Variants in UNC79 observed in about 807,000 individuals in gnomAD.
UNC79 encodes the protein unc-79 subunit of NALCN channel complex.
Under a neutral mutation model 283.1 loss-of-function variants are expected in UNC79, and 37 were observed. That is an observed-to-expected ratio of 0.13 (90% CI 0.10 to 0.17). The LOEUF (loss-of-function observed/expected upper bound fraction) is 0.17, where lower values mean the gene tolerates loss of function less well. Ranked by LOEUF, UNC79 falls within the 10% of genes least tolerant of loss-of-function variation. The probability of loss-of-function intolerance (pLI) is 1.00; values close to 1 mark genes in which losing one functional copy is unlikely to be tolerated. For missense variants in UNC79, 2,272 were observed against 3,211.1 expected (o/e 0.71, Z 7.07); for synonymous variants, 1,107 against 1,200.2 (o/e 0.92, Z 1.61).
intron 7 of UNC79, among the ~76,000 whole-genome samples, chr14:93,522,051 C>A (rs1251623725): frequency 1.3e-5 from 2 of 151,654 alleles, no homozygotes; most frequent in Non-Finnish European, 2.9e-5. Context: ...TATCTACAAC[C>A]TGTTCTTAAC....
chr14:93,480,973 C>G (rs2058101026), intron 4 of UNC79, among the ~76,000 whole-genome samples: 1 of 152,142 alleles, frequency 6.6e-6, no homozygotes, highest in African/African-American at 2.4e-5. Context: ...TAAAATGATT[C>G]TATCCTTAAG....
At position 93,467,628 on chromosome 14, in the gene UNC79, C is replaced by CTT. The variant is rs398026224; in HGVS notation, c.23-14_23-13dup. ...ATTCTTCTCTTTCTTTTTCTTCTTCCTTTTTTTTTTTTTTTTTTTTTTTTT... is the reference window on the plus strand; with the variant it reads ...ATTCTTCTCTTTCTTTTTCTTCTTCCTTTTTTTTTTTTTTTTTTTTTTTTTTT... On this transcript the variant is annotated intron_variant, in intron 1 of 48. Coordinates refer to ENST00000555664, the Ensembl canonical transcript of UNC79. 1.0e-4 allele frequency: 76 copies of CTT among 762,686 alleles called. 2 individuals are homozygous for CTT. In the African/African-American group the frequency reaches 1.6e-3, roughly 17 times the overall value. 47.2% of individuals were successfully genotyped at this position (762,686 alleles called of 1,614,324 possible). A position where few individuals can be genotyped will look rare whatever the true frequency, so the allele number is the denominator to read the frequency against.
At chr14:93,624,393 T>A (rs985287569) in intron 30 of UNC79, among the ~76,000 whole-genome samples, 1 of 152,168 alleles carries the variant, frequency 6.6e-6, no homozygotes, top group East Asian at 1.9e-4. Context: ...TTTTTATTGT[T>A]TGGGGCCAGG....
intron 37 of UNC79, among the ~76,000 whole-genome samples, chr14:93,654,251 G>T (rs1005094510): frequency 6.6e-6 from 1 of 152,154 alleles, no homozygotes; most frequent in East Asian, 1.9e-4. Flanking sequence ...AGCACTTTGG[G>T]AGACTGAGGC....
chr14:93,648,015 C>T (rs2140282093), intron 35 of UNC79, among the ~76,000 whole-genome samples: 1 of 152,300 alleles, frequency 6.6e-6, no homozygotes, highest in African/African-American at 2.4e-5. Context: ...CAGTTATCTC[C>T]CACTGGGCCC....
rs1162930676 is a variant in UNC79 at position 93,637,199 on chromosome 14, C to T, written c.5717-17C>T. 1.9e-6 allele frequency: 2 copies of T among 1,043,788 alleles called. No individual in the cohort carries two copies. The highest frequency in any genetic ancestry group is 3.0e-6 in the Non-Finnish European group (2 of 659,194). The allele number at this position is 1,043,788 out of a possible 1,614,324, so 64.7% of individuals were successfully genotyped here. The stretch of plus-strand genomic sequence containing the variant: ...AGATGACCACATCAAAGACTGAAAC[C>T]CTCTATTTATCCACAGAACAGATAC... On this transcript the variant is annotated splice_polypyrimidine_tract_variant and intron_variant, in intron 31 of 48. Transcript: ENST00000555664.
intron 1 of UNC79, among the ~76,000 whole-genome samples, chr14:93,445,522 G>A (rs2056436332): frequency 6.6e-6 from 1 of 152,112 alleles, no homozygotes. Flanking sequence ...TGTTTAGTTA[G>A]GGAGTTTTGT....
chr14:93,605,936 TTACA>T (rs1229507856), intron 26 of UNC79, among the ~76,000 whole-genome samples: 2 of 152,178 alleles, frequency 1.3e-5, no homozygotes, highest in Non-Finnish European at 2.9e-5. Flanking sequence ...CTACCTTGCC[TTACA>T]CATCGCTCAT....
intron 1 of UNC79, among the ~76,000 whole-genome samples, chr14:93,385,913 T>TG: frequency 6.6e-6 from 1 of 152,248 alleles, no homozygotes; most frequent in Non-Finnish European, 1.5e-5. Flanking sequence ...TCATATCATC[T>TG]GCAAACAAGG....
At chr14:93,569,376 G>T (rs529234427) in intron 14 of UNC79, among the ~76,000 whole-genome samples, 8 of 152,300 alleles carry the variant, frequency 5.3e-5, no homozygotes, top group African/African-American at 1.2e-4. Flanking sequence ...GGCAGAGGTT[G>T]CAGTGAACTG....
intron 40 of UNC79, among the ~76,000 whole-genome samples, chr14:93,670,718 A>C (rs1396173064): frequency 6.6e-6 from 1 of 152,130 alleles, no homozygotes; most frequent in Non-Finnish European, 1.5e-5. Context: ...CCTTCTAAGC[A>C]CTTCTCTAAA....
intron 14 of UNC79, among the ~76,000 whole-genome samples, chr14:93,561,291 A>G (rs979863813): frequency 2.0e-5 from 3 of 152,210 alleles, no homozygotes; most frequent in Non-Finnish European, 4.4e-5. Context: ...AGGGGTCCAA[A>G]TATGGGGGGA....
At position 93,613,121 on chromosome 14, in the gene UNC79, TACTTTTAG is replaced by T. The variant is rs1310880970; in HGVS notation, c.4041+39_4041+46del. The T allele has an allele frequency of 2.5e-6, 4 of 1,607,826 alleles. No individual in the cohort carries two copies. In the African/African-American group the frequency reaches 4.0e-5, roughly 16 times the overall value. ...ACAGCTTTCAGAAGTCACACCTTTA[TACTTTTAG>T]TAGAAGCAAGGCATTACATACCATG... On this transcript the variant is annotated intron_variant, in intron 27 of 48. Coordinates refer to ENST00000555664, the Ensembl canonical transcript of UNC79.
chr14:93,369,592 G>A (rs2054402383), intron 1 of UNC79, among the ~76,000 whole-genome samples: 1 of 152,196 alleles, frequency 6.6e-6, no homozygotes, highest in African/African-American at 2.4e-5. Flanking sequence ...TGGCATATTA[G>A]TAGAGGCTCA....
intron 7 of UNC79, among the ~76,000 whole-genome samples, chr14:93,500,115 C>T (rs1225702479): frequency 1.3e-5 from 2 of 152,126 alleles, no homozygotes; most frequent in Admixed American, 1.3e-4. Context: ...TGAGATTTGC[C>T]TGTTCAGAGC....
At chr14:93,456,206 G>C (rs1299155873) in intron 1 of UNC79, among the ~76,000 whole-genome samples, 2 of 152,010 alleles carry the variant, frequency 1.3e-5, no homozygotes, top group African/African-American at 4.8e-5. Context: ...TATGGAATTT[G>C]GAAAATACCC....
chr14:93,679,730 C>A (rs891636184), intron 41 of UNC79, among the ~76,000 whole-genome samples: 1 of 152,118 alleles, frequency 6.6e-6, no homozygotes, highest in Non-Finnish European at 1.5e-5. Flanking sequence ...TTTTGGGTAT[C>A]ATTTTGATAA....
intron 1 of UNC79, among the ~76,000 whole-genome samples, chr14:93,440,392 AT>A (rs1013565120): frequency 2.0e-5 from 3 of 151,786 alleles, no homozygotes; most frequent in Non-Finnish European, 4.4e-5. Flanking sequence ...GAAACCAGTT[AT>A]TTTTATTTAT....
At chr14:93,577,871 A>T in exon 18 of UNC79, 1 of 1,614,156 alleles carries the variant, frequency 6.2e-7, no homozygotes, top group Middle Eastern at 1.6e-4. Flanking sequence ...CTGGCCGACG[A>T]GTTCAGCACA....
Sources: gnomAD v4.1 joint callset for allele counts (sites outside exome capture counted in the v4.1 genomes callset) on GRCh38, gnomAD v4.1.1 for gene constraint, MANE v1.5 for transcripts, NCBI Gene and HGNC (gene_info 2026-07-23, HGNC 2026-07-21) for gene names.